RGS5: variants seen among roughly 807,000 people sequenced by gnomAD.
RGS5 encodes regulator of G protein signaling 5.
Under a neutral mutation model 18.9 loss-of-function variants are expected in RGS5, and 20 were observed. The ratio of observed to expected loss-of-function variants is 1.06; its 90% CI spans 0.74 to 1.54. The LOEUF (loss-of-function observed/expected upper bound fraction) is 1.54, where lower values mean the gene tolerates loss of function less well. Ranked by LOEUF, RGS5 falls within the 40% of genes most tolerant of loss-of-function variation. The pLI is 0.00. For missense variants in RGS5, 201 were observed against 211.8 expected (o/e 0.95, Z 0.32); for synonymous variants, 57 against 76.2 (o/e 0.75, Z 1.31).
chr1:163,211,675 C>A (rs903101214), intron 1 of RGS5: 5 of 152,160 alleles, frequency 3.3e-5, no homozygotes, highest in African/African-American at 9.7e-5. Flanking sequence ...TTTCTCACCA[C>A]ATATGATATA....
intron 2 of RGS5, among the ~76,000 whole-genome samples, chr1:163,270,773 G>A (rs1373732993): frequency 2.0e-5 from 3 of 151,994 alleles, no homozygotes; most frequent in Non-Finnish European, 1.5e-5. Context: ...ATCCTCTAGG[G>A]AGTTAGGCAT....
chr1:163,318,393 T>C (rs1650085538), intron 1 of RGS5, among the ~76,000 whole-genome samples: 1 of 152,128 alleles, frequency 6.6e-6, no homozygotes. Context: ...ACTTACAAGA[T>C]GGATTTGGCG....
intron 2 of RGS5, chr1:163,267,404 A>T (rs904495081): frequency 1.3e-5 from 2 of 152,142 alleles, no homozygotes; most frequent in African/African-American, 4.8e-5. Context: ...TTATGGCAGC[A>T]CAAGCAGATA....
chr1:163,253,383 A>T (rs950229938), intron 2 of RGS5, among the ~76,000 whole-genome samples: 9 of 151,862 alleles, frequency 5.9e-5, no homozygotes, highest in Non-Finnish European at 1.0e-4. Context: ...ATCTCAGCTC[A>T]CTGCACCCTC....
chr1:163,172,586 A>G (rs1179422541), intron 1 of RGS5: 1 of 1,549,698 alleles, frequency 6.5e-7, no homozygotes, highest in Non-Finnish European at 8.7e-7. Context: ...TTTTCCTCAT[A>G]TTTGCCCTGG....
chr1:163,242,740 T>C (rs1258409155), intron 2 of RGS5, among the ~76,000 whole-genome samples: 2 of 152,046 alleles, frequency 1.3e-5, no homozygotes, highest in Non-Finnish European at 2.9e-5. Flanking sequence ...AAATATAGGA[T>C]CGGAAAGTTC....
At chr1:163,189,241 T>G (rs997219507) in intron 1 of RGS5, among the ~76,000 whole-genome samples, 1 of 152,178 alleles carries the variant, frequency 6.6e-6, no homozygotes, top group African/African-American at 2.4e-5. Context: ...CTGGGAAGTT[T>G]TATTGAATTT....
intron 2 of RGS5, among the ~76,000 whole-genome samples, chr1:163,224,520 C>A (rs1207832334): frequency 6.6e-6 from 1 of 152,146 alleles, no homozygotes. Flanking sequence ...GATGGGAGTG[C>A]AGATATCTCT....
chr1:163,274,329 A>G (rs1403729102), intron 2 of RGS5, among the ~76,000 whole-genome samples: 4 of 124,476 alleles, frequency 3.2e-5, no homozygotes, highest in Non-Finnish European at 8.0e-5. Context: ...TTGAATCTAT[A>G]AAACTCTTGA....
chr1:163,192,357 G>T (rs1485141883), intron 1 of RGS5, among the ~76,000 whole-genome samples: 1 of 152,142 alleles, frequency 6.6e-6, no homozygotes, highest in Non-Finnish European at 1.5e-5. Context: ...CCTACAAAAT[G>T]TTGGAGAATT....
chr1:163,184,232 G>A (rs943100985), intron 1 of RGS5, among the ~76,000 whole-genome samples: 5 of 152,048 alleles, frequency 3.3e-5, no homozygotes, highest in African/African-American at 1.2e-4. Context: ...CTGTAGACAT[G>A]AACCATTTTA....
At chr1:163,297,404 AC>A (rs1238663646) in intron 2 of RGS5, among the ~76,000 whole-genome samples, 4 of 152,128 alleles carry the variant, frequency 2.6e-5, no homozygotes, top group Admixed American at 2.6e-4. Flanking sequence ...TGTTTTCTGG[AC>A]CATGAAGAAA....
intron 1 of RGS5, chr1:163,210,991 G>A (rs1479862541): frequency 6.6e-6 from 1 of 152,218 alleles, no homozygotes; most frequent in African/African-American, 2.4e-5. Flanking sequence ...TATGCATATG[G>A]AAGACTCAAG....
chr1:163,222,909 G>A (rs1647261191), intron 2 of RGS5, among the ~76,000 whole-genome samples: 2 of 152,094 alleles, frequency 1.3e-5, no homozygotes, highest in South Asian at 2.1e-4. Context: ...ACCCAGGCTG[G>A]AGTACAGTGG....
At chr1:163,196,109 C>A (rs548484238) in intron 1 of RGS5, among the ~76,000 whole-genome samples, 1 of 152,152 alleles carries the variant, frequency 6.6e-6, no homozygotes, top group African/African-American at 2.4e-5. Context: ...CTTCCTCGAT[C>A]GTTAGAAACA....
rs546196156 is a variant in RGS5, at chr1:163,272,839, A to G, written c.-281+33394T>C. The stretch of plus-strand genomic sequence containing the variant: ...CTATTTTTATTACTACAGCTTTATG[A>G]TAAGTTTTGGAATTTGGTAGTATAA... On this transcript the variant is annotated intron_variant, in intron 2 of 5. Coordinates refer to the RGS5 transcript ENST00000618415. 7.2e-5 allele frequency among the ~76,000 whole-genome samples: 11 copies of G among 152,160 alleles called. No individual in the cohort carries two copies. The South Asian group carries it at 2.3e-3, about 32-fold the overall frequency.
At chr1:163,302,055 T>G (rs1190348049) in intron 2 of RGS5, among the ~76,000 whole-genome samples, 3 of 150,940 alleles carry the variant, frequency 2.0e-5, no homozygotes. Flanking sequence ...TAAGAAAAAG[T>G]TTTTTTCATA....
chr1:163,204,363 G>T (rs1349080099), upstream of RGS5, among the ~76,000 whole-genome samples: 1 of 151,558 alleles, frequency 6.6e-6, no homozygotes, highest in Non-Finnish European at 1.5e-5. Flanking sequence ...ACGTTTTTGA[G>T]ACAGAGTCTA....
chr1:163,205,345 T>TAAA (rs35747068), upstream of RGS5, among the ~76,000 whole-genome samples: 24 of 72,706 alleles, frequency 3.3e-4, no homozygotes, highest in African/African-American at 6.0e-4. Flanking sequence ...TTAACCACAG[T>TAAA]AAAAAAAAAA....
Sources: allele counts gnomAD v4.1 joint callset (sites outside exome capture counted in the v4.1 genomes callset), GRCh38; gene constraint gnomAD v4.1.1; transcripts MANE v1.5; gene names NCBI Gene and HGNC (gene_info 2026-07-23, HGNC 2026-07-21).